CDHR2: variants seen among roughly 807,000 people sequenced by gnomAD.
CDHR2 encodes the protein cadherin related family member 2.
Under a neutral mutation model 138.6 loss-of-function variants are expected in CDHR2, and 104 were observed. The observed-to-expected ratio is 0.75, with a 90% confidence interval of 0.64 to 0.88. The LOEUF is 0.88. Ranked by LOEUF, CDHR2 falls within the 40% of genes least tolerant of loss-of-function variation. The pLI is 0.00. For missense variants in CDHR2, 1,624 were observed against 1,727.6 expected, an observed-to-expected ratio of 0.94 and a Z score of 1.06; for synonymous variants, 755 against 742.8, an observed-to-expected ratio of 1.02 and a Z score of -0.27.
At position 176,589,386 on chromosome 5, in the gene CDHR2, C is replaced by T. The variant is rs1186410007; in HGVS notation, c.3065C>T (p.Ala1022Val). The T allele has an allele frequency of 6.4e-7, 1 of 1,569,536 alleles. No homozygotes were observed. Among genetic ancestry groups the T allele is most frequent in the South Asian group, 1.2e-5 (1 of 82,296 alleles). ...LQGTYQVTVQ[A>V]RDRPSLGPFL... The stretch of plus-strand genomic sequence containing the variant: ...GGCACCTACCAAGTGACAGTCCAGG[C>T]CAGGGACAGACCTTCCTTGGGTCCT... The change falls in exon 23 of 32, where the codon GCC becomes GTC. Residue 1022 changes from alanine (A) to valine (V), a missense_variant. By Grantham distance (64) the Ala-to-Val change is moderately conservative. Around this residue, in one of 3 missense-constraint regions of CDHR2, gnomAD observed 556 missense variants for 565.7 expected, o/e 0.98. Transcript: ENST00000261944.
At chr5:176,554,498 G>T (rs972549460) in intron 1 of CDHR2, among the ~76,000 whole-genome samples, 3 of 152,226 alleles carry the variant, frequency 2.0e-5, no homozygotes, top group Non-Finnish European at 4.4e-5. Context: ...ATTCTCACAG[G>T]GGAGGGAACG....
Position 176,576,255 on chromosome 5 carries a change from G to A in CDHR2, c.1194+70G>A, listed in dbSNP as rs1758380272. On this transcript the variant is annotated intron_variant, in intron 12 of 31. Coordinates refer to ENST00000261944, the MANE Select transcript of CDHR2 (RefSeq NM_017675.6). The surrounding 1 kb of genome is among the most constrained non-coding windows in gnomAD (Gnocchi z 4.5). ...CCAGTGGGAGCCTGGATCGAGTGAC[G>A]GTGTCATGTGGTGCTGGGTGGCGGT... 9.9e-6 allele frequency: 12 copies of A among 1,210,082 alleles called. No individual in the cohort carries two copies. In the East Asian group the frequency reaches 1.2e-4, roughly 12 times the overall value. The allele number at this position is 1,210,082 out of a possible 1,614,324, so 75.0% of individuals were successfully genotyped here.
rs573074832 is a variant in CDHR2 at position 176,592,887 on chromosome 5, T to C, written c.3792+107T>C. The C allele has an allele frequency of 1.0e-4, 99 of 966,918 alleles. No individual in the cohort carries two copies. In the African/African-American group the frequency reaches 1.3e-3, roughly 13 times the overall value. The allele number at this position is 966,918 out of a possible 1,614,324, so 59.9% of individuals were successfully genotyped here. Reference sequence around the variant, plus strand: ...TGCTACTGACATGGGCAGTTCTGCTTCTCTGCACCAGGCCCCAGGAAGCCC... The same window carrying C: ...TGCTACTGACATGGGCAGTTCTGCTCCTCTGCACCAGGCCCCAGGAAGCCC... On this transcript the variant is annotated intron_variant, in intron 31 of 31. Transcript: ENST00000261944.
rs1581141201 is a variant in CDHR2 at position 176,575,528 on chromosome 5, A to C, written c.791A>C (p.Glu264Ala). 6.2e-7 allele frequency: 1 copy of C among 1,614,104 alleles called. No individual in the cohort carries two copies. Among genetic ancestry groups the C allele is most frequent in the Non-Finnish European group, 8.5e-7 (1 of 1,180,016 alleles). The change falls in exon 10 of 32, where the codon GAG (glutamate) becomes GCG (alanine). Residue 264 changes from glutamate (E) to alanine (A), a missense_variant. Around this residue, in one of 3 missense-constraint regions of CDHR2, gnomAD observed 1,061 missense variants for 1,136.6 expected, o/e 0.93. Coordinates refer to ENST00000261944, the MANE Select transcript of CDHR2 (RefSeq NM_017675.6). The stretch of plus-strand genomic sequence containing the variant: ...CAGGGAACCTCGGTGCTGACGGTGG[A>C]GGCTGTGGATGGCGACAAAGGCATC... The part of the protein sequence containing the change: ...AAKGTSVLTV[E>A]AVDGDKGIND...
intron 31 of CDHR2, among the ~76,000 whole-genome samples, chr5:176,594,865 A>G (rs2113341324): frequency 6.6e-6 from 1 of 152,250 alleles, no homozygotes; most frequent in Middle Eastern, 3.4e-3. Context: ...GCACGCACAC[A>G]GCATGTCGCA....
rs1261736939 is a variant in CDHR2, at chr5:176,591,489, G to C, written c.3734+5G>C. The C allele has an allele frequency of 1.2e-6, 2 of 1,607,160 alleles. No homozygotes were observed. The highest frequency in any genetic ancestry group is 3.3e-5 in the Admixed American group (2 of 59,998). ...CAATGACCTGGACTCTGTCAGGTGA[G>C]CAGTGCCCCTCACAGCCAGGCTAGG... is the stretch of plus-strand genomic sequence containing the variant. On this transcript the variant is annotated splice_donor_5th_base_variant and intron_variant, in intron 30 of 31. Coordinates refer to ENST00000261944, the MANE Select transcript of CDHR2 (RefSeq NM_017675.6).
At position 176,568,709 on chromosome 5, in the gene CDHR2, C is replaced by T. The variant is rs139206310; in HGVS notation, c.156C>T (p.Asp52=). The T allele has an allele frequency of 1.2e-6, 2 of 1,614,222 alleles. No homozygotes were observed. Among genetic ancestry groups the T allele is most frequent in the African/African-American group, 2.7e-5 (2 of 75,060 alleles). ...GAQAFWLVAE[D]QDNDPLTYGM... ...AGGCCTTCTGGTTGGTAGCGGAAGA[C>T]CAGGACAATGACCCTCTGACCTATG... The change falls in exon 4 of 32, where the codon GAC becomes GAT. Residue 52 remains aspartate, a synonymous_variant. Coordinates refer to ENST00000261944, the MANE Select transcript of CDHR2 (RefSeq NM_017675.6).
chr5:176,578,203 T>G lies in CDHR2; in HGVS notation c.1574+108T>G, dbSNP rs938201755. 21 of 1,255,226 alleles carry G rather than the reference T, an allele frequency of 1.7e-5. No homozygotes were observed. In the African/African-American group the frequency reaches 2.4e-4, roughly 14 times the overall value. 77.8% of individuals were successfully genotyped at this position (1,255,226 alleles called of 1,614,324 possible). A position where few individuals can be genotyped will look rare whatever the true frequency, so the allele number is the denominator to read the frequency against. The stretch of plus-strand genomic sequence containing the variant: ...CTGGGGAAGACCGAAGGCACTCAGT[T>G]ACATTTCAATTTCAGATAAACAAGG... On this transcript the variant is annotated intron_variant, in intron 15 of 31. Transcript: ENST00000261944.
At chr5:176,561,510 A>G (rs2113271272) in intron 1 of CDHR2, among the ~76,000 whole-genome samples, 1 of 152,268 alleles carries the variant, frequency 6.6e-6, no homozygotes, top group Non-Finnish European at 1.5e-5. Context: ...TCATCTGCAA[A>G]GAGATAACAG....
At chr5:176,550,578 C>T (rs933685237) in intron 1 of CDHR2, among the ~76,000 whole-genome samples, 1 of 152,236 alleles carries the variant, frequency 6.6e-6, no homozygotes, top group African/African-American at 2.4e-5. Context: ...CTATGAGCCT[C>T]GGTTTCCTTG....
intron 1 of CDHR2, among the ~76,000 whole-genome samples, chr5:176,558,159 A>G (rs13163608): frequency 0.32 from 48,344 of 151,292 alleles, 8,633 homozygotes; most frequent in East Asian, 0.5. Context: ...TCCTTCTAGT[A>G]CAGCTTTCCT....
Position 176,578,533 on chromosome 5 carries a change from C to T in CDHR2, c.1743C>T (p.Asp581=), listed in dbSNP as rs1487538565. 1 of 1,614,172 alleles carries T rather than the reference C, an allele frequency of 6.2e-7. No individual in the cohort carries two copies. Among genetic ancestry groups the T allele is most frequent in the Non-Finnish European group, 8.5e-7 (1 of 1,180,038 alleles). The part of the protein sequence containing the change: ...TLQIHLLDIN[D]NAPVVSGSYN... ...AGATCCACCTGCTGGACATCAACGA[C>T]AATGCACCCGTGGTTAGCGGCTCCT... Residue 581 remains aspartate, a synonymous_variant, in exon 16 of 32, where the codon GAC becomes GAT. Coordinates refer to ENST00000261944, the MANE Select transcript of CDHR2 (RefSeq NM_017675.6).
At chr5:176,591,607 TAGTG>T in intron 30 of CDHR2, 123 bp downstream of exon 30, 1 of 738,958 alleles carries the variant, frequency 1.4e-6, no homozygotes, top group Admixed American at 2.1e-5. Context: ...GTCATGGTAG[TAGTG>T]GTAGTTATGG....
At chr5:176,552,823 C>T (rs903143487) in intron 1 of CDHR2, among the ~76,000 whole-genome samples, 6 of 152,218 alleles carry the variant, frequency 3.9e-5, no homozygotes, top group African/African-American at 1.4e-4. Flanking sequence ...CCCACTCTGC[C>T]GCTGACAGCC....
chr5:176,591,810 G>A, intron 30 of CDHR2: 2 of 490,736 alleles, frequency 4.1e-6, no homozygotes, highest in African/African-American at 2.0e-5. Flanking sequence ...TGAGGTGATG[G>A]TGATGGTTGT....
At chr5:176,554,591 G>A (rs1212166651) in intron 1 of CDHR2, among the ~76,000 whole-genome samples, 2 of 152,232 alleles carry the variant, frequency 1.3e-5, no homozygotes, top group Non-Finnish European at 2.9e-5. Context: ...TCACCTCTCT[G>A]AGCTTTGTTT....
chr5:176,577,831 T>C (rs1758430976), intron 14 of CDHR2, 33 bp downstream of exon 14: 1 of 1,610,120 alleles, frequency 6.2e-7, no homozygotes, highest in Non-Finnish European at 8.5e-7. Context: ...GGCTGTGGGG[T>C]CCCAGCAAGC....
At chr5:176,586,068 A>G in intron 20 of CDHR2, 43 bp downstream of exon 20, 2 of 1,559,648 alleles carry the variant, frequency 1.3e-6, no homozygotes, top group Non-Finnish European at 1.8e-6. Flanking sequence ...CTGCTCCATA[A>G]GGCCGCCTTT....
rs1291985629 is a variant in CDHR2 at position 176,565,390 on chromosome 5, C to T, written c.38C>T (p.Ala13Val). 9.3e-6 allele frequency: 15 copies of T among 1,614,082 alleles called. No homozygotes were observed. The highest frequency in any genetic ancestry group is 1.3e-5 in the Non-Finnish European group (15 of 1,179,964). ...TGGCTGTCCTGCTTCCTCCTTCCTG[C>T]CCTCGTGGTGTCTGGTAGGTGTCTC... ...QLWLSCFLLP[A>V]LVVSVAANVA... is the part of the protein sequence containing the mutation. Residue 13 changes from alanine (A) to valine (V), a missense_variant, in exon 2 of 32, where the codon GCC becomes GTC. Ala to Val is a moderately conservative substitution (Grantham distance 64, BLOSUM62 0). Coordinates refer to ENST00000261944, the MANE Select transcript of CDHR2 (RefSeq NM_017675.6).
Sources: gnomAD v4.1 joint callset for allele counts (sites outside exome capture counted in the v4.1 genomes callset) on GRCh38, gnomAD v4.1.1 for gene constraint, gnomAD v4.1.1 regional missense constraint, Gnocchi (gnomAD v3.1) non-coding constraint, MANE v1.5 for transcripts, NCBI Gene and HGNC (gene_info 2026-07-23, HGNC 2026-07-21) for gene names.